PLPPR1: variants seen among roughly 807,000 people sequenced by gnomAD.
The protein encoded by PLPPR1 is phospholipid phosphatase related 1.
Under a neutral mutation model 33.1 loss-of-function variants are expected in PLPPR1, and 10 were observed. The ratio of observed to expected loss-of-function variants is 0.30; its 90% CI spans 0.19 to 0.51. The LOEUF (loss-of-function observed/expected upper bound fraction) is 0.51. Among genes scored for constraint, PLPPR1 ranks in the 20% least tolerant of loss-of-function variants. PLPPR1 has a pLI of 0.97. For synonymous variants in PLPPR1, 151 were observed against 151.0 expected (o/e 1.00, Z 0.00); for missense variants, 304 against 408.1 (o/e 0.74, Z 2.20).
chr9:101,038,794 G>T lies in PLPPR1; in HGVS notation c.-46+9692G>T, dbSNP rs140761239. 1.6e-4 allele frequency among the ~76,000 whole-genome samples: 25 copies of T among 152,160 alleles called. No homozygotes were observed. In the East Asian group the frequency reaches 4.6e-3, roughly 28 times the overall value. On this transcript the variant is annotated intron_variant, in intron 1 of 7. Transcript: ENST00000374874. ...ACCCACAAATGGCTGCAGAGATTGC[G>T]TGCCCATCCTCCCGCCCATCCCTGC...
At chr9:101,062,447 A>T (rs1230624670) in intron 1 of PLPPR1, among the ~76,000 whole-genome samples, 1 of 152,072 alleles carries the variant, frequency 6.6e-6, no homozygotes, top group Non-Finnish European at 1.5e-5. Context: ...GGTAGACCTG[A>T]GTTTTGCAGA....
At chr9:101,149,798 G>C (rs1306441657) in intron 1 of PLPPR1, among the ~76,000 whole-genome samples, 1 of 151,928 alleles carries the variant, frequency 6.6e-6, no homozygotes, top group Admixed American at 6.6e-5. Context: ...GCTTTCCTAG[G>C]GAAAGATATG....
At chr9:101,040,882 A>G (rs957849414) in intron 1 of PLPPR1, among the ~76,000 whole-genome samples, 8 of 152,202 alleles carry the variant, frequency 5.3e-5, no homozygotes, top group African/African-American at 1.7e-4. Context: ...GTCACACTCT[A>G]TAAATTTAAT....
chr9:101,058,902 A>G (rs1414391333), intron 1 of PLPPR1, among the ~76,000 whole-genome samples: 2 of 152,150 alleles, frequency 1.3e-5, no homozygotes, highest in African/African-American at 4.8e-5. Flanking sequence ...ATTAAGGCTC[A>G]AAAAAGTTAA....
Position 101,098,014 on chromosome 9 carries a change from C to G in PLPPR1, c.-46+68912C>G, listed in dbSNP as rs1432526015. 2.1e-5 allele frequency among the ~76,000 whole-genome samples: 3 copies of G among 145,922 alleles called. No homozygotes were observed. In the East Asian group the frequency reaches 5.9e-4, roughly 29 times the overall value. ...GTCCTTGTGGCCTATAACACTGAAC[C>G]TGAACATGGTGGTGCTTTTTTTCCC... On this transcript the variant is annotated intron_variant, in intron 1 of 7. Coordinates refer to ENST00000374874, the MANE Select transcript of PLPPR1 (RefSeq NM_207299.2).
intron 1 of PLPPR1, among the ~76,000 whole-genome samples, chr9:101,180,113 T>C (rs1826077723): frequency 4.5e-5 from 1 of 22,194 alleles, no homozygotes; most frequent in African/African-American, 2.1e-4. Flanking sequence ...TATATATATA[T>C]ATATATATAT....
chr9:101,229,337 G>A (rs1378600939), intron 2 of PLPPR1, among the ~76,000 whole-genome samples: 24 of 152,062 alleles, frequency 1.6e-4, no homozygotes, highest in Non-Finnish European at 3.2e-4. Flanking sequence ...GTTCTCATGT[G>A]TACCCTGTAG....
intron 1 of PLPPR1, among the ~76,000 whole-genome samples, chr9:101,148,069 A>G (rs896902499): frequency 6.6e-6 from 1 of 152,082 alleles, no homozygotes; most frequent in Non-Finnish European, 1.5e-5. Flanking sequence ...CTCTGCTCCA[A>G]GTGGACGGAA....
intron 1 of PLPPR1, among the ~76,000 whole-genome samples, chr9:101,062,689 GT>G (rs988265801): frequency 1.3e-5 from 2 of 152,012 alleles, no homozygotes; most frequent in Non-Finnish European, 2.9e-5. Flanking sequence ...CCTGAAATTT[GT>G]TTTTTGTCTA....
intron 2 of PLPPR1, among the ~76,000 whole-genome samples, chr9:101,189,357 A>C (rs952739095): frequency 1.3e-5 from 2 of 152,144 alleles, no homozygotes; most frequent in Non-Finnish European, 2.9e-5. Context: ...CCAAAATTTT[A>C]TCATACAGAT....
intron 1 of PLPPR1, among the ~76,000 whole-genome samples, chr9:101,093,633 A>C (rs1489144708): frequency 2.0e-5 from 3 of 152,150 alleles, no homozygotes; most frequent in Non-Finnish European, 4.4e-5. Flanking sequence ...TAACTTTAAA[A>C]TTTTCATCCA....
intron 6 of PLPPR1, 36 bp from the exon 7 acceptor site, chr9:101,317,329 G>T: frequency 1.2e-6 from 2 of 1,603,274 alleles, no homozygotes; most frequent in Non-Finnish European, 1.7e-6. Flanking sequence ...GATGGCTGCA[G>T]TCTGACCCCA....
intron 6 of PLPPR1, 48 bp from the exon 7 acceptor site, chr9:101,317,317 T>C: frequency 1.3e-6 from 2 of 1,583,836 alleles, no homozygotes; most frequent in South Asian, 1.2e-5. Flanking sequence ...ATGCCAGGCA[T>C]TGATGGCTGC....
intron 2 of PLPPR1, among the ~76,000 whole-genome samples, chr9:101,191,272 G>A (rs935895665): frequency 3.3e-5 from 5 of 151,992 alleles, no homozygotes; most frequent in Non-Finnish European, 7.4e-5. Context: ...ATGAACATGA[G>A]GACATCTATT....
At chr9:101,286,867 T>A (rs1388056736) in intron 4 of PLPPR1, among the ~76,000 whole-genome samples, 2 of 152,210 alleles carry the variant, frequency 1.3e-5, no homozygotes, top group Non-Finnish European at 2.9e-5. Context: ...ACAAAGTTCC[T>A]ACACATTAAG....
At chr9:101,195,090 C>A (rs1826372477) in intron 2 of PLPPR1, among the ~76,000 whole-genome samples, 1 of 152,156 alleles carries the variant, frequency 6.6e-6, no homozygotes, top group Non-Finnish European at 1.5e-5. Flanking sequence ...AGGGACCCAT[C>A]CTGTTGGTAT....
At chr9:101,084,790 C>CA (rs1238949635) in intron 1 of PLPPR1, among the ~76,000 whole-genome samples, 1 of 152,166 alleles carries the variant, frequency 6.6e-6, no homozygotes, top group Non-Finnish European at 1.5e-5. Flanking sequence ...CCTTGGGCTA[C>CA]AAACCCAAAT....
intron 4 of PLPPR1, among the ~76,000 whole-genome samples, chr9:101,289,831 T>C (rs1828461731): frequency 6.6e-6 from 1 of 152,226 alleles, no homozygotes; most frequent in African/African-American, 2.4e-5. Flanking sequence ...TTAGGGTGAA[T>C]GAAAAGCAAA....
chr9:101,120,138 T>C (rs1831160634), intron 1 of PLPPR1, among the ~76,000 whole-genome samples: 1 of 152,196 alleles, frequency 6.6e-6, no homozygotes, highest in African/African-American at 2.4e-5. Context: ...CCAAAATATA[T>C]TTGCACATGT....
Sources: allele counts gnomAD v4.1 joint callset (sites outside exome capture counted in the v4.1 genomes callset), GRCh38; gene constraint gnomAD v4.1.1; transcripts MANE v1.5; gene names NCBI Gene and HGNC (gene_info 2026-07-23, HGNC 2026-07-21).